The following MYRIP variants were observed in gnomAD, a reference collection of about 807,000 sequenced individuals.
MYRIP encodes rab effector MyRIP.
A neutral mutation model predicts 98.0 loss-of-function variants in MYRIP; 49 were observed. The ratio of observed to expected loss-of-function variants is 0.50; its 90% CI spans 0.40 to 0.63. The LOEUF (loss-of-function observed/expected upper bound fraction) is 0.63. MYRIP is among the 30% of genes least tolerant of loss of function. The pLI is 0.00. For synonymous variants in MYRIP, 404 were observed against 409.5 expected (o/e 0.99, Z 0.16); for missense variants, 1,004 against 1,058.2 (o/e 0.95, Z 0.71).
chr3:39,974,329 C>A (rs1945685340), intron 2 of MYRIP, among the ~76,000 whole-genome samples: 1 of 152,188 alleles, frequency 6.6e-6, no homozygotes, highest in Admixed American at 6.5e-5. Flanking sequence ...TGGACACATA[C>A]ACCCTCCTAA....
chr3:40,077,259 C>T (rs574320087), intron 3 of MYRIP, among the ~76,000 whole-genome samples: 1 of 152,236 alleles, frequency 6.6e-6, no homozygotes, highest in East Asian at 1.9e-4. Context: ...ACAAAGCTTC[C>T]ACAGTGTGGA....
chr3:40,112,874 C>A lies in MYRIP; in HGVS notation c.333-38174C>A, dbSNP rs143501690. Among the ~76,000 whole-genome samples the A allele has an allele frequency of 1.6e-4, 25 of 152,282 alleles. No individual in the cohort carries two copies. The East Asian group carries it at 4.1e-3, about 25-fold the overall frequency. ...GTACAAGCCTGAGAGCAGATGTTTTCCTCTGAAATCAAGTATTAGAAGCCA... is the reference window on the plus strand; with the variant it reads ...GTACAAGCCTGAGAGCAGATGTTTTACTCTGAAATCAAGTATTAGAAGCCA... On this transcript the variant is annotated intron_variant, in intron 3 of 16. Coordinates refer to ENST00000302541, the MANE Select transcript of MYRIP (RefSeq NM_015460.4).
intron 3 of MYRIP, among the ~76,000 whole-genome samples, chr3:40,045,092 G>T (rs535369704): frequency 2.6e-4 from 39 of 152,244 alleles, no homozygotes; most frequent in African/African-American, 9.1e-4. Flanking sequence ...GAGATGAGCA[G>T]GTCCTGGGAG....
intron 2 of MYRIP, among the ~76,000 whole-genome samples, chr3:39,971,751 T>C (rs1031393240): frequency 6.6e-6 from 1 of 152,096 alleles, no homozygotes; most frequent in Non-Finnish European, 1.5e-5. Context: ...TTTAGATGAT[T>C]TTGAATTAAA....
At chr3:39,968,487 G>C (rs1051787313) in intron 2 of MYRIP, among the ~76,000 whole-genome samples, 1 of 152,106 alleles carries the variant, frequency 6.6e-6, no homozygotes, top group Non-Finnish European at 1.5e-5. Context: ...AACCTATCTT[G>C]AGTTGATTTT....
At chr3:40,202,693 T>C (rs1951601523) in intron 10 of MYRIP, among the ~76,000 whole-genome samples, 1 of 152,110 alleles carries the variant, frequency 6.6e-6, no homozygotes, top group African/African-American at 2.4e-5. Flanking sequence ...TCAGGTCACC[T>C]TCAGCTCAAC....
Position 40,258,293 on chromosome 3 carries a change from C to T in MYRIP, c.*127C>T. ...GAAGGCCTGGGGAGGCCACAGTGCA[C>T]CATTGCACAGGGCTGTCCTGATACC... On this transcript the variant is annotated 3_prime_UTR_variant, in exon 17 of 17. Coordinates refer to ENST00000302541, the MANE Select transcript of MYRIP (RefSeq NM_015460.4). 1.8e-6 allele frequency: 2 copies of T among 1,113,192 alleles called. No homozygotes were observed. Among genetic ancestry groups the T allele is most frequent in the Non-Finnish European group, 2.7e-6 (2 of 735,588 alleles). The allele number at this position is 1,113,192 out of a possible 1,614,324, so 69.0% of individuals were successfully genotyped here.
intron 1 of MYRIP, among the ~76,000 whole-genome samples, chr3:39,829,328 A>G (rs1941365722): frequency 6.6e-6 from 1 of 152,162 alleles, no homozygotes. Flanking sequence ...TGATGCCTAC[A>G]CATCTAGTGG....
intron 12 of MYRIP, among the ~76,000 whole-genome samples, chr3:40,240,613 G>C (rs2887951): frequency 0.31 from 47,756 of 152,060 alleles, 8,471 homozygotes; most frequent in East Asian, 0.57. Context: ...ATGGGTATTT[G>C]AGAATTATCT....
intron 10 of MYRIP, 144 bp downstream of exon 10, chr3:40,190,607 C>T: frequency 7.4e-7 from 1 of 1,352,518 alleles, no homozygotes; most frequent in South Asian, 1.6e-5. Flanking sequence ...TAGCTGAGTG[C>T]CTCTAGACAG....
At chr3:39,822,022 C>T (rs1941116124) in intron 1 of MYRIP, among the ~76,000 whole-genome samples, 1 of 152,018 alleles carries the variant, frequency 6.6e-6, no homozygotes, top group Non-Finnish European at 1.5e-5. Context: ...ATATGAAAGC[C>T]AATTTATTAA....
intron 2 of MYRIP, among the ~76,000 whole-genome samples, chr3:40,040,244 G>C (rs889304035): frequency 1.3e-5 from 2 of 151,498 alleles, no homozygotes; most frequent in Non-Finnish European, 2.9e-5. Flanking sequence ...ATCATCACTG[G>C]CCATCAGAGA....
intron 3 of MYRIP, among the ~76,000 whole-genome samples, chr3:40,110,911 T>A (rs1949145096): frequency 6.6e-6 from 1 of 151,452 alleles, no homozygotes. Context: ...TGTGTGTGTG[T>A]GTGTGTGTGT....
At chr3:39,869,168 TC>T (rs561243748) in intron 1 of MYRIP, among the ~76,000 whole-genome samples, 141 of 152,338 alleles carry the variant, frequency 9.3e-4, no homozygotes, top group African/African-American at 3.3e-3. Flanking sequence ...TAAGATCACT[TC>T]TGTTTTTCTG....
At position 40,234,032 on chromosome 3, in the gene MYRIP, G is replaced by A. The variant is rs749797124; in HGVS notation, c.2079G>A (p.Gln693=). The A allele has an allele frequency of 6.2e-7, 1 of 1,604,646 alleles. No homozygotes were observed. The highest frequency in any genetic ancestry group is 1.1e-5 in the South Asian group (1 of 88,936). The change falls in exon 12 of 17, where the codon CAG becomes CAA. Residue 693 remains glutamine, a synonymous_variant. Coordinates refer to ENST00000302541, the MANE Select transcript of MYRIP (RefSeq NM_015460.4). The part of the protein sequence containing the change: ...RGTDQVRLDE[Q]LTSLEENVYL... ...CAGACCAAGTGAGACTGGATGAGCAGCTGACTTCCCTGGAAGAAAATGTAA... is the reference window on the plus strand; with the variant it reads ...CAGACCAAGTGAGACTGGATGAGCAACTGACTTCCCTGGAAGAAAATGTAA...
chr3:39,955,862 A>ATT (rs1945144331), intron 2 of MYRIP, among the ~76,000 whole-genome samples: 1 of 152,124 alleles, frequency 6.6e-6, no homozygotes, highest in Non-Finnish European at 1.5e-5. Flanking sequence ...AACAAAAAAA[A>ATT]GCAGGGGTTG....
chr3:39,841,145 G>A (rs1212482621), intron 1 of MYRIP, among the ~76,000 whole-genome samples: 1 of 152,016 alleles, frequency 6.6e-6, no homozygotes, highest in Non-Finnish European at 1.5e-5. Flanking sequence ...ATTTCTTGGA[G>A]GCTTTTTTCC....
chr3:40,101,540 G>C (rs957649059), intron 3 of MYRIP, among the ~76,000 whole-genome samples: 1 of 152,038 alleles, frequency 6.6e-6, no homozygotes, highest in Non-Finnish European at 1.5e-5. Flanking sequence ...TTCTTCTGAA[G>C]TAAAGATATT....
chr3:40,006,494 G>A (rs1291776164), intron 2 of MYRIP, among the ~76,000 whole-genome samples: 1 of 152,186 alleles, frequency 6.6e-6, no homozygotes, highest in Non-Finnish European at 1.5e-5. Context: ...TTAGGGGCTA[G>A]AATATGTAGA....
Sources: allele counts gnomAD v4.1 joint callset (sites outside exome capture counted in the v4.1 genomes callset), GRCh38; gene constraint gnomAD v4.1.1; transcripts MANE v1.5; gene names NCBI Gene and HGNC (gene_info 2026-07-23, HGNC 2026-07-21).